Variants in ANKRD30B observed in about 807,000 individuals in gnomAD.
ANKRD30B encodes ankyrin repeat domain 30B.
Under a neutral mutation model 202.2 loss-of-function variants are expected in ANKRD30B, and 144 were observed. That is an observed-to-expected ratio of 0.71 (90% CI 0.62 to 0.82). The LOEUF is 0.82. Among genes scored for constraint, ANKRD30B ranks in the 40% least tolerant of loss-of-function variants. ANKRD30B has a pLI of 0.00. For missense variants in ANKRD30B, 1,487 were observed against 1,669.1 expected (o/e 0.89, Z 1.90); for synonymous variants, 508 against 561.3 (o/e 0.91, Z 1.34).
At chr18:14,772,792 T>A (rs995581850) in intron 9 of ANKRD30B, among the ~76,000 whole-genome samples, 3 of 151,490 alleles carry the variant, frequency 2.0e-5, no homozygotes, top group African/African-American at 7.3e-5. Flanking sequence ...CTCTTCTTGG[T>A]TCTTTAATTA....
intron 30 of ANKRD30B, chr18:14,816,857 C>G (rs1220293480): frequency 2.6e-5 from 4 of 152,092 alleles, no homozygotes; most frequent in African/African-American, 4.8e-5. Flanking sequence ...CAAACTCTCG[C>G]AAGGACAAAA....
the ANKRD30B span, among the ~76,000 whole-genome samples, chr18:14,880,128 T>C: frequency 6.6e-6 from 1 of 152,236 alleles, no homozygotes; most frequent in South Asian, 2.1e-4. Flanking sequence ...CATCATGTGT[T>C]GAAAAGGGTG....
chr18:14,921,571 A>G, the ANKRD30B span, among the ~76,000 whole-genome samples: 1 of 152,124 alleles, frequency 6.6e-6, no homozygotes, highest in East Asian at 1.9e-4. Flanking sequence ...AGGGAAAAAA[A>G]AATCATAGAA....
chr18:14,912,413 T>A, the ANKRD30B span, among the ~76,000 whole-genome samples: 1 of 152,224 alleles, frequency 6.6e-6, no homozygotes, highest in Non-Finnish European at 1.5e-5. Flanking sequence ...ATGTGATGCA[T>A]CTTATTTATT....
intron 34 of ANKRD30B, among the ~76,000 whole-genome samples, chr18:14,833,441 G>A (rs189612622): frequency 3.1e-3 from 471 of 152,044 alleles, no homozygotes; most frequent in African/African-American, 7.2e-3. Context: ...ATAGAGAGGG[G>A]GTTTCATCGT....
intron 6 of ANKRD30B, among the ~76,000 whole-genome samples, chr18:14,762,024 A>G (rs1257300547): frequency 1.3e-5 from 2 of 152,230 alleles, no homozygotes; most frequent in Non-Finnish European, 2.9e-5. Flanking sequence ...TATGTACTAT[A>G]TACGGTATTC....
At chr18:14,774,389 A>T (rs1249245455) in intron 9 of ANKRD30B, among the ~76,000 whole-genome samples, 1 of 152,006 alleles carries the variant, frequency 6.6e-6, no homozygotes, top group Non-Finnish European at 1.5e-5. Context: ...TTTGCCCCAG[A>T]CTTTTTTTCT....
At chr18:14,811,043 A>C (rs1311096616) in intron 28 of ANKRD30B, among the ~76,000 whole-genome samples, 1 of 151,216 alleles carries the variant, frequency 6.6e-6, no homozygotes, top group East Asian at 1.9e-4. Flanking sequence ...TGAACCCATG[A>C]GGCAGAAGTT....
Position 14,852,038 on chromosome 18 carries a change from A to T in ANKRD30B, c.4094A>T (p.Asn1365Ile). ...AQRKSKSPKI[N>I]LNYAGDDLRE... ...AGGAAATCCAAAAGCCCAAAAATTA[A>T]TCTCAATTATGCAGGAGATGATCTA... The change falls in exon 42 of 44, where the codon AAT (asparagine) becomes ATT (isoleucine). Residue 1365 changes from asparagine to isoleucine, a missense_variant. This residue lies in a region of ANKRD30B where 182 missense variants were observed against 216.0 expected (regional missense o/e 0.84). Transcript: ENST00000690538. The T allele has an allele frequency of 6.2e-7, 1 of 1,606,384 alleles. No homozygotes were observed.
chr18:14,791,351 A>T, intron 15 of ANKRD30B, 50 bp from the exon 16 acceptor site: 2 of 1,474,196 alleles, frequency 1.4e-6, no homozygotes, highest in Non-Finnish European at 1.9e-6. Context: ...GATACTCTTC[A>T]TTACTAGGAT....
At chr18:14,870,492 G>A in the ANKRD30B span, among the ~76,000 whole-genome samples, 1 of 152,190 alleles carries the variant, frequency 6.6e-6, no homozygotes, top group African/African-American at 2.4e-5. Flanking sequence ...AAAAGTGTGT[G>A]AAGCTGAAGC....
At chr18:14,930,630 A>T in the ANKRD30B span, among the ~76,000 whole-genome samples, 1 of 152,020 alleles carries the variant, frequency 6.6e-6, no homozygotes, top group Admixed American at 6.6e-5. Context: ...GCCACCTATT[A>T]TACCTTCCAC....
At chr18:14,865,609 AC>A in the ANKRD30B span, among the ~76,000 whole-genome samples, 1 of 132,792 alleles carries the variant, frequency 7.5e-6, no homozygotes, top group South Asian at 2.4e-4. Context: ...CCCTCCATCT[AC>A]CCCCAGTTTT....
At chr18:14,809,631 G>T (rs1243376110) in intron 26 of ANKRD30B, among the ~76,000 whole-genome samples, 2 of 150,836 alleles carry the variant, frequency 1.3e-5, no homozygotes, top group Non-Finnish European at 3.0e-5. Context: ...TCTTGGTGAT[G>T]CAAAACCTCC....
chr18:14,796,020 G>A (rs1018502792), intron 16 of ANKRD30B, among the ~76,000 whole-genome samples: 1 of 152,048 alleles, frequency 6.6e-6, no homozygotes, highest in Non-Finnish European at 1.5e-5. Flanking sequence ...TTTGATGAAG[G>A]TTATTTTTTA....
chr18:14,896,122 T>A, the ANKRD30B span, among the ~76,000 whole-genome samples: 1 of 151,940 alleles, frequency 6.6e-6, no homozygotes. Context: ...TTTATGGGAC[T>A]CTATTATCTG....
intron 16 of ANKRD30B, among the ~76,000 whole-genome samples, chr18:14,792,508 A>G (rs1455066260): frequency 1.3e-5 from 2 of 151,994 alleles, no homozygotes; most frequent in Non-Finnish European, 2.9e-5. Flanking sequence ...AAGAAGAGAG[A>G]TTATGAGGCA....
At chr18:14,789,084 A>G (rs1426490810) in intron 15 of ANKRD30B, among the ~76,000 whole-genome samples, 2 of 151,962 alleles carry the variant, frequency 1.3e-5, no homozygotes, top group Non-Finnish European at 2.9e-5. Context: ...AATGATTGCC[A>G]TTCTAACTGG....
intron 39 of ANKRD30B, among the ~76,000 whole-genome samples, chr18:14,845,132 T>C (rs1971579539): frequency 6.6e-6 from 1 of 152,010 alleles, no homozygotes; most frequent in African/African-American, 2.4e-5. Context: ...TCTGTTGCCA[T>C]GGCTTTTGAT....
Sources: allele counts gnomAD v4.1 joint callset (sites outside exome capture counted in the v4.1 genomes callset), GRCh38; gene constraint gnomAD v4.1.1; regional missense constraint gnomAD v4.1.1; transcripts MANE v1.5; gene names NCBI Gene and HGNC (gene_info 2026-07-23, HGNC 2026-07-21).